Variants in NCOA1 observed in about 807,000 individuals in gnomAD.
NCOA1 encodes Hin-2 protein.
A neutral mutation model predicts 150.9 loss-of-function variants in NCOA1; 35 were observed. The observed-to-expected ratio is 0.23, with a 90% confidence interval of 0.18 to 0.31. The LOEUF is 0.31. NCOA1 is among the 10% of genes least tolerant of loss of function. The pLI is 1.00. For missense variants in NCOA1, 1,491 were observed against 1,749.3 expected (o/e 0.85, Z 2.63); for synonymous variants, 590 against 630.0 (o/e 0.94, Z 0.95).
At chr2:24,655,828 C>T (rs1670915560) in intron 4 of NCOA1, among the ~76,000 whole-genome samples, 1 of 152,126 alleles carries the variant, frequency 6.6e-6, no homozygotes, top group Admixed American at 6.5e-5. Context: ...GTGGCTCACG[C>T]CTGTAATCCC....
At position 24,491,486 on chromosome 2, in the gene NCOA1, G is replaced by C. The variant is rs1323435130; in HGVS notation, c.-512G>C. On this transcript the variant is annotated 5_prime_UTR_variant, in exon 1 of 23. Coordinates refer to ENST00000348332, the MANE Select transcript of NCOA1 (RefSeq NM_003743.5). Reference sequence around the variant, plus strand: ...CGGGGGGACCCCTGCTCCGGAGGAGGGGGCCGGAGAGCCGCGGCGCCGGGC... The same window carrying C: ...CGGGGGGACCCCTGCTCCGGAGGAGCGGGCCGGAGAGCCGCGGCGCCGGGC... 1.3e-3 allele frequency among the ~76,000 whole-genome samples: 1 copy of C among 788 alleles called. No homozygotes were observed. Among genetic ancestry groups the C allele is most frequent in the African/African-American group, 5.6e-3 (1 of 178 alleles). The allele number at this position is 788 out of a possible 152,430, so 0.5% of individuals were successfully genotyped here.
chr2:24,657,130 G>A lies in NCOA1; in HGVS notation c.-17-1531G>A, dbSNP rs56146634. Among the ~76,000 whole-genome samples the A allele has an allele frequency of 9.6e-3, 1,461 of 152,176 alleles. 22 individuals are homozygous for A. The highest frequency in any genetic ancestry group is 0.033 in the African/African-American group (1,389 of 41,514). On this transcript the variant is annotated intron_variant, in intron 4 of 22. Transcript: ENST00000348332. ...TTTTCTCTTCATTTCTTCCCGGCAC[G>A]GAAGCCCATCCTTTTAACTACCATG...
rs1000357865 is a variant in NCOA1, at chr2:24,752,142, G to A, written c.3867G>A (p.Ala1289=). 10 of 1,613,772 alleles carry A rather than the reference G, an allele frequency of 6.2e-6. No individual in the cohort carries two copies. Among genetic ancestry groups the A allele is most frequent in the Non-Finnish European group, 8.5e-6 (10 of 1,179,924 alleles). The part of the protein sequence containing the change: ...SPDMKAWQQG[A]IGNNNVFSQA... ...ACATGAAGGCCTGGCAGCAAGGAGCGATAGGAAACAACAAGTAAGGGGGCA... is the reference window on the plus strand; with the variant it reads ...ACATGAAGGCCTGGCAGCAAGGAGCAATAGGAAACAACAAGTAAGGGGGCA... Residue 1289 remains alanine (A), a synonymous_variant, in exon 20 of 23, where the codon GCG becomes GCA. Transcript: ENST00000348332.
intron 1 of NCOA1, among the ~76,000 whole-genome samples, chr2:24,504,579 G>A (rs1418724645): frequency 6.6e-6 from 1 of 152,188 alleles, no homozygotes; most frequent in African/African-American, 2.4e-5. Flanking sequence ...AACCTAAATG[G>A]AATTTTTATT....
chr2:24,554,170 C>G (rs994499208), intron 1 of NCOA1, among the ~76,000 whole-genome samples: 4 of 151,956 alleles, frequency 2.6e-5, no homozygotes, highest in African/African-American at 9.7e-5. Flanking sequence ...ATAGATACCT[C>G]TATGTTTTGT....
intron 1 of NCOA1, among the ~76,000 whole-genome samples, chr2:24,540,943 T>C (rs1323720213): frequency 6.6e-6 from 1 of 152,186 alleles, no homozygotes; most frequent in South Asian, 2.1e-4. Flanking sequence ...AGAGATGGTA[T>C]TGCCAGAAAC....
intron 7 of NCOA1, among the ~76,000 whole-genome samples, chr2:24,674,151 G>A (rs181449600): frequency 0.028 from 4,126 of 145,180 alleles, 149 homozygotes; most frequent in African/African-American, 0.093. Flanking sequence ...GTGTGTGTGT[G>A]TATATATTTC....
At chr2:24,627,234 T>C (rs1237780621) in intron 3 of NCOA1, among the ~76,000 whole-genome samples, 2 of 151,448 alleles carry the variant, frequency 1.3e-5, no homozygotes, top group Non-Finnish European at 2.9e-5. Context: ...TTACATGTGA[T>C]ATAAATTAGC....
At chr2:24,562,911 TGAA>T (rs771002274) in intron 1 of NCOA1, among the ~76,000 whole-genome samples, 12 of 152,070 alleles carry the variant, frequency 7.9e-5, no homozygotes, top group Admixed American at 6.5e-5. Flanking sequence ...AATGACAAAT[TGAA>T]GAAGAGGGTT....
intron 7 of NCOA1, among the ~76,000 whole-genome samples, chr2:24,675,702 T>C (rs908510526): frequency 6.6e-6 from 1 of 152,090 alleles, no homozygotes; most frequent in Non-Finnish European, 1.5e-5. Context: ...CTGGCCAAGA[T>C]GGCAAAATCC....
intron 22 of NCOA1, among the ~76,000 whole-genome samples, chr2:24,765,204 G>T (rs1664996881): frequency 6.6e-6 from 1 of 151,526 alleles, no homozygotes; most frequent in Non-Finnish European, 1.5e-5. Flanking sequence ...AGAGAGAGAA[G>T]GCATTTTAAG....
At position 24,552,503 on chromosome 2, in the gene NCOA1, C is replaced by G. The variant is rs140556004; in HGVS notation, c.-395-11792C>G. 4.2e-3 allele frequency among the ~76,000 whole-genome samples: 626 copies of G among 150,314 alleles called. 10 individuals are homozygous for G. The highest frequency in any genetic ancestry group is 0.011 in the Admixed American group (161 of 15,104). On this transcript the variant is annotated intron_variant, in intron 1 of 22. Coordinates refer to ENST00000348332, the MANE Select transcript of NCOA1 (RefSeq NM_003743.5). ...TGCCTCAGCTCCCGAGTAGCTGGGA[C>G]TACAGGCATGTGCCACCACACCCAG...
At chr2:24,672,113 T>TTA (rs1156872160) in intron 6 of NCOA1, among the ~76,000 whole-genome samples, 6 of 138,632 alleles carry the variant, frequency 4.3e-5, no homozygotes, top group Non-Finnish European at 9.4e-5. Flanking sequence ...ATAACATTGT[T>TTA]TATATATATG....
intron 1 of NCOA1, among the ~76,000 whole-genome samples, chr2:24,556,793 G>A (rs1053703909): frequency 1.3e-5 from 2 of 152,078 alleles, no homozygotes; most frequent in African/African-American, 2.4e-5. Context: ...ATGTGCATTA[G>A]TTCAACCATT....
intron 14 of NCOA1, among the ~76,000 whole-genome samples, chr2:24,715,681 A>G (rs945362811): frequency 2.0e-5 from 3 of 152,212 alleles, no homozygotes; most frequent in Non-Finnish European, 4.4e-5. Context: ...TTTAGATGGA[A>G]TAACATGTGC....
intron 2 of NCOA1, among the ~76,000 whole-genome samples, chr2:24,579,015 T>G (rs2148302557): frequency 6.6e-6 from 1 of 152,306 alleles, no homozygotes; most frequent in South Asian, 2.1e-4. Context: ...TTAGAAAAGC[T>G]TGGCATGTGG....
intron 3 of NCOA1, among the ~76,000 whole-genome samples, chr2:24,607,815 A>G (rs951303880): frequency 2.0e-5 from 3 of 152,202 alleles, no homozygotes; most frequent in Admixed American, 6.5e-5. Context: ...AAGAGTTTAC[A>G]TAAGACTGAA....
chr2:24,689,374 T>C (rs769031443), intron 8 of NCOA1, among the ~76,000 whole-genome samples: 21 of 152,166 alleles, frequency 1.4e-4, no homozygotes, highest in Non-Finnish European at 2.8e-4. Flanking sequence ...TTTCTATGTG[T>C]TTGTGTCATC....
chr2:24,736,557 AAAAG>A (rs1663314918), intron 17 of NCOA1, among the ~76,000 whole-genome samples: 1 of 152,240 alleles, frequency 6.6e-6, no homozygotes, highest in Non-Finnish European at 1.5e-5. Flanking sequence ...AGGACAGAAA[AAAAG>A]AGAGAAACAT....
Sources: allele counts gnomAD v4.1 joint callset (sites outside exome capture counted in the v4.1 genomes callset), GRCh38; gene constraint gnomAD v4.1.1; transcripts MANE v1.5; gene names NCBI Gene and HGNC (gene_info 2026-07-23, HGNC 2026-07-21).